CD200R1: variants seen among roughly 807,000 people sequenced by gnomAD.
CD200R1 encodes the protein cell surface glycoprotein CD200 receptor 1.
Under a neutral mutation model 38.1 loss-of-function variants are expected in CD200R1, and 30 were observed. The ratio of observed to expected loss-of-function variants is 0.79; its 90% CI spans 0.59 to 1.07. The LOEUF (loss-of-function observed/expected upper bound fraction) is 1.07, where lower values mean the gene tolerates loss of function less well. Ranked by LOEUF, CD200R1 falls within the 50% of genes least tolerant of loss-of-function variation. The pLI is 0.00. For missense variants in CD200R1, 372 were observed against 415.4 expected (o/e 0.90, Z 0.91); for synonymous variants, 128 against 152.1 (o/e 0.84, Z 1.16).
chr3:112,947,770 G>GA, intron 2 of CD200R1, 86 bp downstream of exon 2: 1 of 814,036 alleles, frequency 1.2e-6, no homozygotes, highest in Non-Finnish European at 2.2e-6. Context: ...GATAATGCAT[G>GA]AGACAATTCA....
In CD200R1 at chr3:112,922,186, T is replaced by G. The variant is rs1235950301; in HGVS notation, c.*1491A>C. ...AATGTCTAGAGGGAGAAAAATATAC[T>G]TATAAGACAAAATAGCTGTCTTAAA... is the stretch of plus-strand genomic sequence containing the variant. On this transcript the variant is annotated 3_prime_UTR_variant, in exon 8 of 8. Coordinates refer to ENST00000308611, the MANE Select transcript of CD200R1 (RefSeq NM_138806.4). The G allele has an allele frequency of 6.6e-6, 1 of 151,920 alleles. No homozygotes were observed. Among genetic ancestry groups the G allele is most frequent in the Non-Finnish European group, 1.5e-5 (1 of 67,904 alleles). The allele number at this position is 151,920 out of a possible 1,614,324, so 9.4% of individuals were successfully genotyped here.
At chr3:112,937,285 T>C (rs144696880) in intron 2 of CD200R1, among the ~76,000 whole-genome samples, 25 of 152,184 alleles carry the variant, frequency 1.6e-4, no homozygotes, top group African/African-American at 6.0e-4. Flanking sequence ...CATGATTAAA[T>C]TACCTCCCAG....
chr3:112,951,389 C>A (rs562974174), intron 1 of CD200R1, among the ~76,000 whole-genome samples: 1 of 152,054 alleles, frequency 6.6e-6, no homozygotes, highest in South Asian at 2.1e-4. Flanking sequence ...ATTGGCTACA[C>A]TGACAAATTT....
chr3:112,943,115 C>A (rs1940765241), intron 2 of CD200R1, among the ~76,000 whole-genome samples: 2 of 151,676 alleles, frequency 1.3e-5, no homozygotes, highest in South Asian at 4.1e-4. Flanking sequence ...TTCAACAATA[C>A]CATCAATTAA....
At chr3:112,970,344 C>T (rs561586899) in intron 1 of CD200R1, among the ~76,000 whole-genome samples, 2 of 152,052 alleles carry the variant, frequency 1.3e-5, no homozygotes, top group African/African-American at 4.8e-5. Flanking sequence ...AATATCATTT[C>T]TTCCTGGGGG....
intron 1 of CD200R1, among the ~76,000 whole-genome samples, chr3:112,951,940 A>G (rs1940977593): frequency 6.6e-6 from 1 of 151,800 alleles, no homozygotes; most frequent in African/African-American, 2.4e-5. Flanking sequence ...AACAGTCTCA[A>G]TCAAAATGTA....
At chr3:112,923,837 T>C (rs778395575) in intron 7 of CD200R1, 38 bp from the exon 8 acceptor site, 6 of 1,311,362 alleles carry the variant, frequency 4.6e-6, no homozygotes, top group Admixed American at 2.0e-5. Context: ...ATTCAAAAAA[T>C]CATCATAGAG....
At chr3:112,956,111 C>A (rs1002325323) in intron 1 of CD200R1, among the ~76,000 whole-genome samples, 1 of 151,894 alleles carries the variant, frequency 6.6e-6, no homozygotes, top group African/African-American at 2.4e-5. Flanking sequence ...ATCTATTTAT[C>A]TTTCTCTTCT....
At chr3:112,961,063 A>G (rs1489604080) in intron 1 of CD200R1, among the ~76,000 whole-genome samples, 5 of 152,076 alleles carry the variant, frequency 3.3e-5, no homozygotes, top group Non-Finnish European at 7.4e-5. Context: ...CAAAAAAAAG[A>G]AAGGCGGGCG....
chr3:112,959,733 C>CA (rs1932968336), intron 1 of CD200R1, among the ~76,000 whole-genome samples: 1 of 151,976 alleles, frequency 6.6e-6, no homozygotes, highest in Non-Finnish European at 1.5e-5. Flanking sequence ...CAATAAGTCT[C>CA]AAAGTTTCAA....
intron 1 of CD200R1, among the ~76,000 whole-genome samples, chr3:112,969,758 C>T (rs567890680): frequency 6.6e-6 from 1 of 152,280 alleles, no homozygotes; most frequent in Non-Finnish European, 1.5e-5. Flanking sequence ...AGACTTCTCC[C>T]TCTGCTCACA....
intron 6 of CD200R1, 73 bp downstream of exon 6, chr3:112,925,012 G>T: frequency 1.1e-6 from 1 of 874,624 alleles, no homozygotes; most frequent in Non-Finnish European, 1.9e-6. Context: ...ACCCAATACG[G>T]TCAGTTCCAT....
At chr3:112,924,571 A>C in intron 6 of CD200R1, 36 bp from the exon 7 acceptor site, 2 of 1,111,270 alleles carry the variant, frequency 1.8e-6, no homozygotes, top group Non-Finnish European at 2.3e-6. Flanking sequence ...GAATGGAGGA[A>C]ACATCATTGT....
At chr3:112,968,982 A>T (rs892876321) in intron 1 of CD200R1, among the ~76,000 whole-genome samples, 1 of 152,190 alleles carries the variant, frequency 6.6e-6, no homozygotes, top group Non-Finnish European at 1.5e-5. Context: ...ATTAAGGGAG[A>T]CTAACAACTT....
At chr3:112,925,297 CAT>C in intron 5 of CD200R1, 104 bp from the exon 6 acceptor site, 1 of 612,786 alleles carries the variant, frequency 1.6e-6, no homozygotes, top group Non-Finnish European at 2.9e-6. Flanking sequence ...CATAAAAAGA[CAT>C]AGAGGAATTT....
rs1940183473 is a variant in CD200R1, at chr3:112,922,202, C to T, written c.*1475G>A. ...AAAATATACTTATAAGACAAAATAG[C>T]TGTCTTAAAAATCTCAGATGGTATG... is the stretch of plus-strand genomic sequence containing the variant. On this transcript the variant is annotated 3_prime_UTR_variant, in exon 8 of 8. Coordinates refer to ENST00000308611, the MANE Select transcript of CD200R1 (RefSeq NM_138806.4). The T allele has an allele frequency of 6.6e-6, 1 of 151,882 alleles. No homozygotes were observed. The highest frequency in any genetic ancestry group is 6.6e-5 in the Admixed American group (1 of 15,206). The allele number at this position is 151,882 out of a possible 1,614,324, so 9.4% of individuals were successfully genotyped here.
At chr3:112,933,723 A>T (rs79417125) in intron 2 of CD200R1, among the ~76,000 whole-genome samples, 4,315 of 152,290 alleles carry the variant, frequency 0.028, 193 homozygotes, top group East Asian at 0.21. Context: ...GAGAATACAG[A>T]TAAACAATTC....
chr3:112,968,531 T>C (rs756308032), intron 1 of CD200R1, among the ~76,000 whole-genome samples: 4 of 152,098 alleles, frequency 2.6e-5, no homozygotes, highest in Non-Finnish European at 5.9e-5. Context: ...GGATCAGAGT[T>C]GTGGGTGTAG....
intron 1 of CD200R1, among the ~76,000 whole-genome samples, chr3:112,963,090 GAT>G (rs1241502244): frequency 6.6e-6 from 1 of 152,222 alleles, no homozygotes; most frequent in Non-Finnish European, 1.5e-5. Context: ...TGCCATGTAA[GAT>G]GTGCCTTTCA....
Sources: allele counts gnomAD v4.1 joint callset (sites outside exome capture counted in the v4.1 genomes callset), GRCh38; gene constraint gnomAD v4.1.1; transcripts MANE v1.5; gene names NCBI Gene and HGNC (gene_info 2026-07-23, HGNC 2026-07-21).